Variants in CACNA1G observed in about 807,000 individuals in gnomAD.
CACNA1G encodes voltage-dependent T-type calcium channel subunit alpha-1G.
In CACNA1G, 67 loss-of-function variants were observed where a neutral mutation model predicts 219.4. The observed-to-expected ratio is 0.31, with a 90% CI of 0.25 to 0.37. CACNA1G has a LOEUF of 0.37. Ranked by LOEUF, CACNA1G falls within the 10% of genes least tolerant of loss-of-function variation. The pLI is 1.00. For synonymous variants in CACNA1G, 1,296 were observed against 1,345.3 expected (o/e 0.96, Z 0.80); for missense variants, 2,380 against 3,231.4 (o/e 0.74, Z 6.39).
Position 50,578,552 on chromosome 17 carries a change from A to C in CACNA1G, c.2289A>C (p.Glu763Asp). ...ILVNTLSMGI[E>D]YHEQPEELTN... ...TCAACACACTCAGCATGGGCATCGA[A>C]TACCACGAGCAGGTAGGAGAGTGGG... is the stretch of plus-strand genomic sequence containing the variant. The change falls in exon 9 of 38, where the codon GAA (glutamate) becomes GAC (aspartate). Residue 763 changes from glutamate to aspartate, a missense_variant. Coordinates refer to ENST00000359106, the MANE Select transcript of CACNA1G (RefSeq NM_018896.5). The surrounding 1 kb of genome is among the most constrained non-coding windows in gnomAD (Gnocchi z 4.5). 1 of 1,558,266 alleles carries C rather than the reference A, an allele frequency of 6.4e-7. No homozygotes were observed. The highest frequency in any genetic ancestry group is 8.7e-7 in the Non-Finnish European group (1 of 1,150,952).
At position 50,590,565 on chromosome 17, in the gene CACNA1G, C is replaced by T. The variant is rs2044069560; in HGVS notation, c.2396C>T (p.Pro799Leu). The T allele has an allele frequency of 6.2e-7, 1 of 1,613,800 alleles. No homozygotes were observed. The highest frequency in any genetic ancestry group is 1.1e-5 in the South Asian group (1 of 91,090). ...CTGCTGAAGCTGCTTGTGTATGGTC[C>T]CTTTGGCTACATCAAGAATCCCTAC... ...EMLLKLLVYG[P>L]FGYIKNPYNI... is the part of the protein sequence containing the mutation. The change falls in exon 10 of 38, where the codon CCC becomes CTC. Residue 799 changes from proline (P) to leucine (L), a missense_variant. Pro to Leu is a moderately conservative substitution (Grantham distance 98, BLOSUM62 -3). Transcript: ENST00000359106.
intron 37 of CACNA1G, among the ~76,000 whole-genome samples, chr17:50,624,792 C>G (rs2053247286): frequency 1.3e-5 from 2 of 152,154 alleles, no homozygotes; most frequent in Non-Finnish European, 2.9e-5. Flanking sequence ...TCATGCCTAT[C>G]TGGTCGGAGG....
chr17:50,576,043 T>A lies in CACNA1G; in HGVS notation c.1641T>A (p.Pro547=), dbSNP rs2040570979. 6.4e-7 allele frequency: 1 copy of A among 1,574,226 alleles called. No individual in the cohort carries two copies. The highest frequency in any genetic ancestry group is 8.6e-7 in the Non-Finnish European group (1 of 1,161,022). ...PSTPALSGAP[P]GGAESVHSFY... ...CGCCTGCCCTCTCCGGGGCCCCCCC[T>A]GGTGGCGCAGAGTCTGTGCACAGCT... is the stretch of plus-strand genomic sequence containing the variant. Residue 547 remains proline (P), a synonymous_variant, in exon 8 of 38, where the codon CCT becomes CCA. Transcript: ENST00000359106.
intron 24 of CACNA1G, 60 bp downstream of exon 24, chr17:50,607,049 C>A (rs1347241166): frequency 1.5e-6 from 2 of 1,318,490 alleles, no homozygotes; most frequent in South Asian, 2.4e-5. Flanking sequence ...TGGGCTGATT[C>A]CAGGACAGAA....
intron 9 of CACNA1G, among the ~76,000 whole-genome samples, chr17:50,589,607 C>T (rs986251663): frequency 2.6e-5 from 4 of 152,120 alleles, no homozygotes; most frequent in East Asian, 1.9e-4. Context: ...AGACAGGGTT[C>T]GTCATTCGTC....
intron 19 of CACNA1G, 145 bp from the exon 20 acceptor site, chr17:50,602,675 G>T: frequency 1.5e-6 from 1 of 680,532 alleles, no homozygotes. Flanking sequence ...TGTATGAGAG[G>T]GGCGTGATCT....
At position 50,603,149 on chromosome 17, in the gene CACNA1G, C is replaced by T. The variant is rs1348641069; in HGVS notation, c.4119C>T (p.Ile1373=). The T allele has an allele frequency of 6.2e-7, 1 of 1,611,902 alleles. No homozygotes were observed. Residue 1373 remains isoleucine, a synonymous_variant, in exon 21 of 38, where the codon ATC becomes ATT. Coordinates refer to ENST00000359106, the MANE Select transcript of CACNA1G (RefSeq NM_018896.5). The surrounding 1 kb of genome is among the most constrained non-coding windows in gnomAD (Gnocchi z 6.4). The part of the protein sequence containing the change: ...VSMVSDSGTK[I]LGMLRVLRLL... ...TGGTCTCTGACAGCGGCACCAAGAT[C>T]CTGGGCATGCTGAGGGTGCTGCGGC...
In CACNA1G at chr17:50,626,163, C is replaced by A. The variant is rs763016067; in HGVS notation, c.6546C>A (p.Arg2182=). ...GTACCCAGGCACAGCAGCACTCCCG[C>A]AGCCACAGCAAGATCTCCAAGCACA... ...QSSTQAQQHS[R]SHSKISKHMT... is the part of the protein sequence containing the mutation. Residue 2182 remains arginine, a synonymous_variant, in exon 38 of 38, where the codon CGC becomes CGA. Coordinates refer to ENST00000359106, the MANE Select transcript of CACNA1G (RefSeq NM_018896.5). The surrounding 1 kb of genome is among the most constrained non-coding windows in gnomAD (Gnocchi z 4.3). 4.0e-5 allele frequency: 65 copies of A among 1,613,894 alleles called. No individual in the cohort carries two copies. The highest frequency in any genetic ancestry group is 5.3e-5 in the Non-Finnish European group (63 of 1,179,862).
chr17:50,593,434 C>A (rs1437823511), intron 13 of CACNA1G, among the ~76,000 whole-genome samples: 1 of 152,280 alleles, frequency 6.6e-6, no homozygotes, highest in Non-Finnish European at 1.5e-5. Flanking sequence ...TCCTCTGCCA[C>A]TCAGCCGCCA....
chr17:50,576,630 C>T (rs994662662), intron 8 of CACNA1G, among the ~76,000 whole-genome samples: 2 of 152,262 alleles, frequency 1.3e-5, no homozygotes, highest in African/African-American at 4.8e-5. Flanking sequence ...GTGCCTGTCA[C>T]ATGCTTTGCG....
rs1045182109 is a variant in CACNA1G at position 50,600,589 on chromosome 17, G to A, written c.3691-137G>A. The A allele has an allele frequency of 7.1e-6, 5 of 703,448 alleles. No individual in the cohort carries two copies. Among genetic ancestry groups the A allele is most frequent in the Non-Finnish European group, 1.3e-5 (5 of 399,274 alleles). 43.6% of individuals were successfully genotyped at this position (703,448 alleles called of 1,614,324 possible). A position where few individuals can be genotyped will look rare whatever the true frequency, so the allele number is the denominator to read the frequency against. On this transcript the variant is annotated intron_variant, in intron 17 of 37. Transcript: ENST00000359106. The surrounding 1 kb of genome is among the most constrained non-coding windows in gnomAD (Gnocchi z 4.1). The stretch of plus-strand genomic sequence containing the variant: ...TGAGGAGGTGGCTTTAGGAATAAAG[G>A]AAGAGAGGCAGGGCAGAGCTTGGGC...
At chr17:50,573,137 T>C in intron 7 of CACNA1G, 24 bp downstream of exon 7, 1 of 1,511,494 alleles carries the variant, frequency 6.6e-7, no homozygotes, top group Non-Finnish European at 9.0e-7. Flanking sequence ...CAGATCCCCG[T>C]GGGGATGGGC....
intron 9 of CACNA1G, among the ~76,000 whole-genome samples, chr17:50,582,642 G>A (rs1446652759): frequency 9.9e-5 from 15 of 151,056 alleles, no homozygotes; most frequent in East Asian, 5.8e-4. Flanking sequence ...TCCAGGAAGA[G>A]GGGAGTGCAG....
At chr17:50,585,750 G>A (rs549125974) in intron 9 of CACNA1G, among the ~76,000 whole-genome samples, 4 of 152,268 alleles carry the variant, frequency 2.6e-5, no homozygotes, top group South Asian at 4.1e-4. Flanking sequence ...TCCTGCCACC[G>A]AGGTGTTCCC....
chr17:50,568,718 G>C (rs1716714505), intron 1 of CACNA1G, among the ~76,000 whole-genome samples, 152 bp from the exon 2 acceptor site: 3 of 152,200 alleles, frequency 2.0e-5, no homozygotes, highest in Admixed American at 6.5e-5. Context: ...TCTGGGGCTG[G>C]GGGCTGGTCT....
At position 50,603,281 on chromosome 17, in the gene CACNA1G, C is replaced by A; in HGVS notation, c.4169+82C>A. The A allele has an allele frequency of 7.7e-7, 1 of 1,296,114 alleles. No homozygotes were observed. Among genetic ancestry groups the A allele is most frequent in the Non-Finnish European group, 1.1e-6 (1 of 937,388 alleles). 80.3% of individuals were successfully genotyped at this position (1,296,114 alleles called of 1,614,324 possible). A position where few individuals can be genotyped will look rare whatever the true frequency, so the allele number is the denominator to read the frequency against. On this transcript the variant is annotated intron_variant, in intron 21 of 37. Coordinates refer to ENST00000359106, the MANE Select transcript of CACNA1G (RefSeq NM_018896.5). The surrounding 1 kb of genome is among the most constrained non-coding windows in gnomAD (Gnocchi z 6.4). ...ATCTCCCACCGCCAGCACTCCCTGC[C>A]ACGAAACAAAAGCCTGCACAGGCCA...
rs745670986 is a variant in CACNA1G, at chr17:50,599,554, C to T, written c.3385C>T (p.Arg1129Trp). The T allele has an allele frequency of 7.4e-6, 12 of 1,612,692 alleles. No homozygotes were observed. The highest frequency in any genetic ancestry group is 1.7e-5 in the Admixed American group (1 of 59,912). The change falls in exon 17 of 38, where the codon CGG becomes TGG. Residue 1129 changes from arginine to tryptophan, a missense_variant. By Grantham distance (101) the Arg-to-Trp change is moderately radical. Around this residue, in one of 17 missense-constraint regions of CACNA1G, gnomAD observed 418 missense variants for 434.3 expected, o/e 0.96. Transcript: ENST00000359106. ...LKRRSPSGER[R>W]SLLSGEGQES... The stretch of plus-strand genomic sequence containing the variant: ...GCGGAGAAGCCCAAGTGGAGAGCGG[C>T]GGTCCCTGTTGTCGGGAGAAGGCCA...
In CACNA1G at chr17:50,586,858, G is replaced by A. The variant is rs193165805; in HGVS notation, c.2302-3613G>A. On this transcript the variant is annotated intron_variant, in intron 9 of 37. Transcript: ENST00000359106. Reference sequence around the variant, plus strand: ...GCTGGGAAGTACTGAGCAGCTTAACGCTGCTGCAAGGTGACAGCCGGAGGG... The same window carrying A: ...GCTGGGAAGTACTGAGCAGCTTAACACTGCTGCAAGGTGACAGCCGGAGGG... Among the ~76,000 whole-genome samples, 507 of 152,324 alleles carry A rather than the reference G, an allele frequency of 3.3e-3. 1 individual carries two copies. Among genetic ancestry groups the A allele is most frequent in the South Asian group, 0.024 (117 of 4,826 alleles).
intron 7 of CACNA1G, chr17:50,573,336 A>G (rs1438990106): frequency 5.7e-6 from 3 of 528,838 alleles, no homozygotes; most frequent in Non-Finnish European, 1.0e-5. Flanking sequence ...TGGGCAAGTC[A>G]TTCTCCATGA....
Sources: gnomAD v4.1 joint callset for allele counts (sites outside exome capture counted in the v4.1 genomes callset) on GRCh38, gnomAD v4.1.1 for gene constraint, gnomAD v4.1.1 regional missense constraint, Gnocchi (gnomAD v3.1) non-coding constraint, MANE v1.5 for transcripts, NCBI Gene and HGNC (gene_info 2026-07-23, HGNC 2026-07-21) for gene names.